Variants in AAK1 observed in about 807,000 individuals in gnomAD.
AAK1 encodes AP2-associated protein kinase 1.
In AAK1, 37 loss-of-function variants were observed where a neutral mutation model predicts 116.0. The observed-to-expected ratio is 0.32, with a 90% confidence interval of 0.25 to 0.42. AAK1 has a LOEUF of 0.42. AAK1 is among the 10% of genes least tolerant of loss of function. The probability of loss-of-function intolerance (pLI) is 1.00; values close to 1 mark genes in which losing one functional copy is unlikely to be tolerated. For missense variants in AAK1, 919 were observed against 1,170.6 expected, an observed-to-expected ratio of 0.79 and a Z score of 3.14; for synonymous variants, 458 against 439.9, an observed-to-expected ratio of 1.04 and a Z score of -0.51.
At chr2:69,612,315 G>A (rs1674122949) in intron 2 of AAK1, among the ~76,000 whole-genome samples, 1 of 152,170 alleles carries the variant, frequency 6.6e-6, no homozygotes, top group African/African-American at 2.4e-5. Flanking sequence ...TTAAAAAAGG[G>A]CTTGGGTTTA....
rs557571835 is a variant in AAK1 at position 69,499,691 on chromosome 2, C to T, written c.2270-3611G>A. 4.6e-5 allele frequency among the ~76,000 whole-genome samples: 7 copies of T among 152,210 alleles called. No individual in the cohort carries two copies. The South Asian group carries it at 1.2e-3, about 27-fold the overall frequency. ...AAGGAGGAAAAGAAGGATAAAATAACTGCTTTTAAGTCCTTGAAATATTTT... is the reference window on the plus strand; with the variant it reads ...AAGGAGGAAAAGAAGGATAAAATAATTGCTTTTAAGTCCTTGAAATATTTT... On this transcript the variant is annotated intron_variant, in intron 16 of 21. Coordinates refer to ENST00000409085, the MANE Select transcript of AAK1 (RefSeq NM_014911.5).
intron 13 of AAK1, among the ~76,000 whole-genome samples, chr2:69,512,430 C>G (rs187803360): frequency 7.6e-4 from 115 of 152,314 alleles, no homozygotes; most frequent in Non-Finnish European, 1.3e-3. Flanking sequence ...GACTTTATAA[C>G]CGTGCTTTTT....
At chr2:69,577,748 C>T (rs1287127923) in intron 2 of AAK1, among the ~76,000 whole-genome samples, 1 of 152,230 alleles carries the variant, frequency 6.6e-6, no homozygotes, top group Non-Finnish European at 1.5e-5. Context: ...CAGGGCAAGA[C>T]TTCTCTTAAT....
intron 17 of AAK1, among the ~76,000 whole-genome samples, chr2:69,492,679 C>T (rs190959510): frequency 2.6e-5 from 4 of 151,554 alleles, no homozygotes; most frequent in South Asian, 2.1e-4. Context: ...CATGCCACCA[C>T]GCCTGGCTAA....
chr2:69,536,633 C>T (rs949709441), intron 5 of AAK1, among the ~76,000 whole-genome samples: 1 of 152,140 alleles, frequency 6.6e-6, no homozygotes, highest in Non-Finnish European at 1.5e-5. Context: ...TTTGAGAGTG[C>T]GATGCTGCTG....
At position 69,473,335 on chromosome 2, in the gene AAK1, G is replaced by A. The variant is rs1674742903; in HGVS notation, c.*2534C>T. On this transcript the variant is annotated 3_prime_UTR_variant, in exon 22 of 22. Coordinates refer to ENST00000409085, the MANE Select transcript of AAK1 (RefSeq NM_014911.5). Reference sequence around the variant, plus strand: ...TGTAGCTCAGGCTATGATTCCACAGGTACCAGGACACTATGCTCAACTCAA... The same window carrying A: ...TGTAGCTCAGGCTATGATTCCACAGATACCAGGACACTATGCTCAACTCAA... 2 of 985,496 alleles carry A rather than the reference G, an allele frequency of 2.0e-6. No individual in the cohort carries two copies. The highest frequency in any genetic ancestry group is 2.4e-6 in the Non-Finnish European group (2 of 829,968). 61.0% of individuals were successfully genotyped at this position (985,496 alleles called of 1,614,324 possible). A position where few individuals can be genotyped will look rare whatever the true frequency, so the allele number is the denominator to read the frequency against.
intron 2 of AAK1, among the ~76,000 whole-genome samples, chr2:69,561,912 T>C (rs1671660974): frequency 6.6e-6 from 1 of 152,260 alleles, no homozygotes; most frequent in African/African-American, 2.4e-5. Flanking sequence ...TCGTTCCATG[T>C]AGTTTTTGTT....
At chr2:69,559,582 G>C (rs940136160) in intron 2 of AAK1, among the ~76,000 whole-genome samples, 3 of 152,112 alleles carry the variant, frequency 2.0e-5, no homozygotes, top group African/African-American at 7.2e-5. Flanking sequence ...AAAAAATCAC[G>C]GAACTACAGA....
rs1050980398 is a variant in AAK1, at chr2:69,599,398, A to C, written c.164-42420T>G. On this transcript the variant is annotated intron_variant, in intron 2 of 21. Transcript: ENST00000409085. ...TCTGTGTAAAAAAAAAAAAAAAAAA[A>C]CTTCACTGAAATTATACCAAACAAA... Among the ~76,000 whole-genome samples the C allele has an allele frequency of 1.2e-3, 174 of 149,028 alleles. 1 individual carries two copies. Among genetic ancestry groups the C allele is most frequent in the African/African-American group, 4.1e-3 (167 of 41,104 alleles).
At chr2:69,500,929 G>A (rs1281274086) in intron 16 of AAK1, among the ~76,000 whole-genome samples, 1 of 151,934 alleles carries the variant, frequency 6.6e-6, no homozygotes, top group Admixed American at 6.6e-5. Context: ...TAACGCTGCT[G>A]AATCCAAGGT....
intron 16 of AAK1, chr2:69,500,242 T>C (rs971687433): frequency 2.0e-5 from 3 of 152,242 alleles, no homozygotes; most frequent in Admixed American, 1.3e-4. Flanking sequence ...TCCTGGGATC[T>C]AGATGTAATT....
chr2:69,620,427 C>A (rs1416718723), intron 2 of AAK1, among the ~76,000 whole-genome samples: 1 of 152,138 alleles, frequency 6.6e-6, no homozygotes, highest in Non-Finnish European at 1.5e-5. Context: ...AAGCATCTCC[C>A]AAGCTATGAT....
intron 14 of AAK1, 88 bp downstream of exon 14, chr2:69,509,143 A>G: frequency 9.0e-7 from 1 of 1,105,378 alleles, no homozygotes; most frequent in Non-Finnish European, 1.4e-6. Flanking sequence ...ACACACATCT[A>G]CACACTTATG....
intron 2 of AAK1, among the ~76,000 whole-genome samples, chr2:69,613,763 T>C (rs567409462): frequency 2.6e-5 from 4 of 152,242 alleles, no homozygotes; most frequent in African/African-American, 7.2e-5. Flanking sequence ...CCTAGGTAGC[T>C]CTTACCTGGT....
chr2:69,593,770 G>A (rs1363371835), intron 2 of AAK1, among the ~76,000 whole-genome samples: 2 of 152,124 alleles, frequency 1.3e-5, no homozygotes, highest in Non-Finnish European at 2.9e-5. Context: ...TAGTTAACTG[G>A]AGAAATCATC....
chr2:69,551,292 G>A (rs1192930626), intron 3 of AAK1, among the ~76,000 whole-genome samples: 1 of 152,066 alleles, frequency 6.6e-6, no homozygotes, highest in Non-Finnish European at 1.5e-5. Context: ...TGGATGCTGG[G>A]CTTAATACCT....
At chr2:69,595,106 T>TTTTTG in intron 2 of AAK1, 4 of 624,152 alleles carry the variant, frequency 6.4e-6, no homozygotes, top group South Asian at 4.3e-5. Context: ...TTTTGTTTCT[T>TTTTTG]TTTTGTTTTG....
chr2:69,576,102 C>G (rs1183012989), intron 2 of AAK1, among the ~76,000 whole-genome samples: 1 of 152,138 alleles, frequency 6.6e-6, no homozygotes, highest in Non-Finnish European at 1.5e-5. Context: ...TCTAAAGAAA[C>G]CCATGCACTC....
At chr2:69,505,441 T>C (rs2104959244) in intron 16 of AAK1, 128 bp downstream of exon 16, 5 of 303,334 alleles carry the variant, frequency 1.6e-5, no homozygotes, top group Non-Finnish European at 1.8e-5. Context: ...ATGAAAAACA[T>C]ATATATATAT....
Sources: allele counts gnomAD v4.1 joint callset (sites outside exome capture counted in the v4.1 genomes callset), GRCh38; gene constraint gnomAD v4.1.1; transcripts MANE v1.5; gene names NCBI Gene and HGNC (gene_info 2026-07-23, HGNC 2026-07-21).